Variants in TTLL8 observed in about 807,000 individuals in gnomAD.
TTLL8 encodes tubulin tyrosine ligase like 8.
TTLL8 carries 65 observed loss-of-function variants against 77.8 expected under a neutral mutation model. That is an observed-to-expected ratio of 0.84 (90% CI 0.68 to 1.03). TTLL8 has a LOEUF of 1.03. TTLL8 is among the 50% of genes least tolerant of loss of function. The pLI is 0.00. For missense variants in TTLL8, 910 were observed against 1,004.5 expected, an observed-to-expected ratio of 0.91 and a Z score of 1.27; for synonymous variants, 402 against 422.8, an observed-to-expected ratio of 0.95 and a Z score of 0.60.
intron 1 of TTLL8, 101 bp from the exon 4 acceptor site, chr22:50,050,348 T>C (rs2061437809): frequency 2.4e-6 from 2 of 827,994 alleles, no homozygotes; most frequent in Admixed American, 3.2e-5. Flanking sequence ...TTTCTGAGAT[T>C]TGGGGGCACC....
intron 12 of TTLL8, chr22:50,027,836 G>A (rs2061240339): frequency 1.0e-6 from 1 of 981,802 alleles, no homozygotes; most frequent in South Asian, 4.7e-5. Context: ...GAGTCTGGAA[G>A]CAAGCCCAGC....
intron 4 of TTLL8, among the ~76,000 whole-genome samples, chr22:50,046,694 G>A (rs906086915): frequency 6.6e-6 from 1 of 152,326 alleles, no homozygotes; most frequent in African/African-American, 2.4e-5. Flanking sequence ...CCCCTCTTCC[G>A]GGACCCCTCC....
Position 50,034,554 on chromosome 22 carries a change from C to T in TTLL8, c.922-92G>A, listed in dbSNP as rs772198276. 7.4e-5 allele frequency: 93 copies of T among 1,248,360 alleles called. 2 individuals are homozygous for T. In the Admixed American group the frequency reaches 1.8e-3, roughly 24 times the overall value. The allele number at this position is 1,248,360 out of a possible 1,614,324, so 77.3% of individuals were successfully genotyped here. ...GCATGAGACTTGGAGGCCTGGGCCC[C>T]GCCTCACCCACCAAGCAGGCGCTCG... On this transcript the variant is annotated intron_variant, in intron 8 of 13. Coordinates refer to ENST00000266182, the Ensembl canonical transcript of TTLL8. This position sits in a 1 kb window ranked among gnomAD's most constrained non-coding sequence, Gnocchi z 4.1.
chr22:50,047,360 G>A (rs1601935237), intron 3 of TTLL8, 64 bp from the exon 6 acceptor site: 5 of 1,319,426 alleles, frequency 3.8e-6, no homozygotes, highest in East Asian at 4.6e-5. Context: ...AGGATGGGAT[G>A]GAGTGAGGCA....
At chr22:50,026,448 G>A (rs972235246) in intron 12 of TTLL8, among the ~76,000 whole-genome samples, 1 of 133,532 alleles carries the variant, frequency 7.5e-6, no homozygotes, top group African/African-American at 2.8e-5. Flanking sequence ...AAATACGCCT[G>A]CCACTCTGCA....
chr22:50,049,999 A>C, intron 2 of TTLL8, 110 bp downstream of exon 4: 1 of 1,226,584 alleles, frequency 8.2e-7, no homozygotes, highest in East Asian at 5.4e-5. Context: ...ATACCCCATC[A>C]CGCACACCAG....
At chr22:50,056,194 T>C (rs1483386899), upstream of TTLL8, among the ~76,000 whole-genome samples, 1 of 152,060 alleles carries the variant, frequency 6.6e-6, no homozygotes, top group Non-Finnish European at 1.5e-5. This position sits in a 1 kb window ranked among gnomAD's most constrained non-coding sequence, Gnocchi z 4.1. Flanking sequence ...ATCCAGGACA[T>C]ACAGAGAATT....
exon 6 of TTLL8, chr22:50,045,295 C>T (rs1427510964): frequency 7.3e-7 from 1 of 1,362,540 alleles, no homozygotes; most frequent in East Asian, 4.6e-5. Context: ...CCTCCTCCCT[C>T]TGGTCCCTGG....
intron 12 of TTLL8, among the ~76,000 whole-genome samples, chr22:50,021,911 T>C (rs567698823): frequency 1.8e-3 from 167 of 94,116 alleles, no homozygotes; most frequent in South Asian, 3.7e-3. Flanking sequence ...CTCCATCTGA[T>C]GATGTGTACT....
intron 4 of TTLL8, among the ~76,000 whole-genome samples, chr22:50,046,731 C>A (rs1391178143): frequency 6.6e-6 from 1 of 152,244 alleles, no homozygotes. Flanking sequence ...CACCCTGCGT[C>A]CTGGGCAGGC....
chr22:50,041,973 C>T lies in TTLL8; in HGVS notation c.644-166G>A, dbSNP rs1027579992. Among the ~76,000 whole-genome samples, 1 of 152,100 alleles carries T rather than the reference C, an allele frequency of 6.6e-6. No homozygotes were observed. Among genetic ancestry groups the T allele is most frequent in the East Asian group, 1.9e-4 (1 of 5,194 alleles). On this transcript the variant is annotated intron_variant, in intron 6 of 13. Transcript: ENST00000266182. The surrounding 1 kb of genome is among the most constrained non-coding windows in gnomAD (Gnocchi z 4.3). ...CCCAGACAGGCACCCCAATACCCAACCAAGCTTCTCTGGGCAACCGCCCTG... is the reference window on the plus strand; with the variant it reads ...CCCAGACAGGCACCCCAATACCCAATCAAGCTTCTCTGGGCAACCGCCCTG...
chr22:50,051,611 C>T (rs113052954), intron 1 of TTLL8, among the ~76,000 whole-genome samples: 253 of 152,312 alleles, frequency 1.7e-3, no homozygotes, highest in Admixed American at 2.7e-3. Context: ...GGAATGTCCA[C>T]GCTGTTTTCC....
In TTLL8 at chr22:50,034,243, T is replaced by G; in HGVS notation, c.1039+102A>C. On this transcript the variant is annotated intron_variant, in intron 9 of 13. Transcript: ENST00000266182. This position sits in a 1 kb window ranked among gnomAD's most constrained non-coding sequence, Gnocchi z 4.1. ...CTCGGCGTTCTGCTCCCTCCCTTCC[T>G]TCCCTGTGGTGCTGTGGGCCTGAAA... The G allele has an allele frequency of 8.2e-7, 1 of 1,221,790 alleles. No individual in the cohort carries two copies. Among genetic ancestry groups the G allele is most frequent in the Non-Finnish European group, 1.1e-6 (1 of 952,336 alleles). 75.7% of individuals were successfully genotyped at this position (1,221,790 alleles called of 1,614,324 possible). A position where few individuals can be genotyped will look rare whatever the true frequency, so the allele number is the denominator to read the frequency against.
exon 12 of TTLL8, chr22:50,030,478 C>A (rs738333): frequency 1.7e-4 from 229 of 1,342,474 alleles, no homozygotes; most frequent in Middle Eastern, 2.8e-4. Flanking sequence ...GTCTTCAGGC[C>A]CCGCAGCACA....
exon 12 of TTLL8, chr22:50,030,450 C>A (rs767966901): frequency 2.2e-6 from 3 of 1,335,502 alleles, no homozygotes; most frequent in Non-Finnish European, 3.0e-6. Context: ...GGGCGGCGGA[C>A]GCAGCGCGCC....
intron 8 of TTLL8, among the ~76,000 whole-genome samples, chr22:50,038,288 TTA>T (rs2061349300): frequency 2.0e-5 from 3 of 152,118 alleles, no homozygotes; most frequent in African/African-American, 7.2e-5. Context: ...ATTAAATTTT[TTA>T]TATGAACAAT....
In TTLL8 at chr22:50,044,375, T is replaced by C. The variant is rs2061395050; in HGVS notation, c.643+880A>G. On this transcript the variant is annotated intron_variant, in intron 6 of 13. Coordinates refer to ENST00000266182, the Ensembl canonical transcript of TTLL8. The surrounding 1 kb of genome is among the most constrained non-coding windows in gnomAD (Gnocchi z 4.2). Reference sequence around the variant, plus strand: ...AGATGAGGTGGCCCAAGTGACCTGGTCTCCGACCAATGCAAACTACAACCT... The same window carrying C: ...AGATGAGGTGGCCCAAGTGACCTGGCCTCCGACCAATGCAAACTACAACCT... Among the ~76,000 whole-genome samples the C allele has an allele frequency of 6.6e-6, 1 of 151,292 alleles. No homozygotes were observed.
chr22:50,055,282 T>G, upstream of TTLL8: 1 of 1,290,146 alleles, frequency 7.8e-7, no homozygotes, highest in Non-Finnish European at 1.0e-6. Flanking sequence ...ATCTGTCTAA[T>G]CTGGAGGAAG....
At chr22:50,040,549 G>C (rs1421265400) in intron 8 of TTLL8, among the ~76,000 whole-genome samples, 2 of 152,216 alleles carry the variant, frequency 1.3e-5, no homozygotes, top group African/African-American at 4.8e-5. Flanking sequence ...GGCTGATGGG[G>C]GACTGGAAAC....
Sources: gnomAD v4.1 joint callset for allele counts (sites outside exome capture counted in the v4.1 genomes callset) on GRCh38, gnomAD v4.1.1 for gene constraint, Gnocchi (gnomAD v3.1) non-coding constraint, MANE v1.5 for transcripts, NCBI Gene and HGNC (gene_info 2026-07-23, HGNC 2026-07-21) for gene names.